MSRA: variants seen among roughly 807,000 people sequenced by gnomAD.
MSRA encodes methionine sulfoxide reductase A.
MSRA carries 54 observed loss-of-function variants against 31.3 expected under a neutral mutation model. The observed-to-expected ratio is 1.73, with a 90% CI of 1.39 to 2.17. The LOEUF is 2.17. Ranked by LOEUF, MSRA falls within the 30% of genes most tolerant of loss-of-function variation. The pLI is 0.00. For missense variants in MSRA, 507 were observed against 300.9 expected (o/e 1.69, Z -5.07); for synonymous variants, 169 against 116.5 (o/e 1.45, Z -2.90).
At chr8:10,198,324 T>G (rs79331791) in intron 1 of MSRA, among the ~76,000 whole-genome samples, 1 of 152,068 alleles carries the variant, frequency 6.6e-6, no homozygotes, top group Non-Finnish European at 1.5e-5. Context: ...ATTTTTTTTT[T>G]TGTTGTTCTT....
At chr8:10,315,859 T>A (rs1370299655) in intron 4 of MSRA, among the ~76,000 whole-genome samples, 1 of 152,226 alleles carries the variant, frequency 6.6e-6, no homozygotes, top group Non-Finnish European at 1.5e-5. Flanking sequence ...GGACGCATAA[T>A]AAGTAAAAAG....
chr8:10,274,137 G>A lies in MSRA; in HGVS notation c.332-27397G>A, dbSNP rs183220175. 1.5e-4 allele frequency among the ~76,000 whole-genome samples: 23 copies of A among 152,322 alleles called. 1 individual carries two copies. The highest frequency in any genetic ancestry group is 7.2e-4 in the Admixed American group (11 of 15,296). ...CAAGGCCCAGTGCTATTATCACAGA[G>A]CAGAGAAAGAAGGGTAGGTTTGGAG... On this transcript the variant is annotated intron_variant, in intron 3 of 5. Coordinates refer to ENST00000317173, the MANE Select transcript of MSRA (RefSeq NM_012331.5).
chr8:10,151,209 C>T (rs1302186045), intron 1 of MSRA, among the ~76,000 whole-genome samples: 2 of 147,906 alleles, frequency 1.4e-5, no homozygotes, highest in East Asian at 3.9e-4. Flanking sequence ...GCGCAGTGAG[C>T]CAAGACTGCA....
chr8:10,387,661 A>G (rs1394058187), intron 5 of MSRA, among the ~76,000 whole-genome samples: 6 of 152,224 alleles, frequency 3.9e-5, no homozygotes, highest in Non-Finnish European at 7.3e-5. Context: ...TCATGCAGAT[A>G]AAGTCTCCCA....
intron 1 of MSRA, among the ~76,000 whole-genome samples, chr8:10,180,524 T>C (rs1806447838): frequency 6.6e-6 from 1 of 152,150 alleles, no homozygotes; most frequent in Non-Finnish European, 1.5e-5. Flanking sequence ...AATGACCTAG[T>C]TGGTTCCTCC....
Position 10,428,268 on chromosome 8 carries a change from CT to C in MSRA, c.666del (p.Gly224AlafsTer25), listed in dbSNP as rs1809320737. 6.2e-7 allele frequency: 1 copy of C among 1,614,042 alleles called. No individual in the cohort carries two copies. The highest frequency in any genetic ancestry group is 1.3e-5 in the African/African-American group (1 of 74,918). ...LSKNPNGYCG[L>X]GGTGVSCPVG... ...CAAGAACCCCAATGGCTACTGCGGC[CT>C]TGGGGGCACCGGCGTGTCCTGCCCA... On this transcript the variant is annotated frameshift_variant, in exon 6 of 6. Transcript: ENST00000317173. LOFTEE classifies it high-confidence loss of function.
At chr8:10,148,816 A>AG (rs908957616) in intron 1 of MSRA, among the ~76,000 whole-genome samples, 1 of 113,360 alleles carries the variant, frequency 8.8e-6, no homozygotes, top group Non-Finnish European at 1.8e-5. Context: ...AAAAAAAAAA[A>AG]GGAAACTCTG....
intron 3 of MSRA, among the ~76,000 whole-genome samples, chr8:10,246,866 C>T (rs530468564): frequency 3.3e-5 from 5 of 152,160 alleles, no homozygotes; most frequent in African/African-American, 1.2e-4. Flanking sequence ...TTATGCATAG[C>T]TATAAATAGA....
intron 1 of MSRA, among the ~76,000 whole-genome samples, chr8:10,152,877 C>G (rs753700976): frequency 2.0e-5 from 3 of 152,160 alleles, no homozygotes; most frequent in Non-Finnish European, 2.9e-5. Context: ...ACCTTGAGGA[C>G]ATGATGCTAT....
chr8:10,370,756 C>T (rs925129675), intron 5 of MSRA, among the ~76,000 whole-genome samples: 10 of 152,230 alleles, frequency 6.6e-5, no homozygotes, highest in Non-Finnish European at 1.5e-4. Context: ...CCTGCTTTGT[C>T]AAAGATGCCC....
chr8:10,165,451 T>C (rs1376767354), intron 1 of MSRA, among the ~76,000 whole-genome samples: 1 of 152,142 alleles, frequency 6.6e-6, no homozygotes, highest in Non-Finnish European at 1.5e-5. Context: ...AACAAAATTT[T>C]AGATAATTGT....
intron 1 of MSRA, among the ~76,000 whole-genome samples, chr8:10,175,901 C>G (rs1482231678): frequency 2.0e-5 from 3 of 152,156 alleles, no homozygotes; most frequent in African/African-American, 4.8e-5. Flanking sequence ...TTATTCATTC[C>G]TTACAATAGA....
chr8:10,159,687 G>A lies in MSRA; in HGVS notation c.143-48146G>A, dbSNP rs143872365. 4.4e-3 allele frequency among the ~76,000 whole-genome samples: 665 copies of A among 152,284 alleles called. 10 individuals carry two copies. The highest frequency in any genetic ancestry group is 0.015 in the African/African-American group (643 of 41,558). ...TGCAGTGGGGAGAGGGGAGGGGGTTGCCTCTTGTAAGGCAGAATTTGATTG... is the reference window on the plus strand; with the variant it reads ...TGCAGTGGGGAGAGGGGAGGGGGTTACCTCTTGTAAGGCAGAATTTGATTG... On this transcript the variant is annotated intron_variant, in intron 1 of 5. Transcript: ENST00000317173.
chr8:10,415,550 T>TC (rs1808408706), intron 5 of MSRA, among the ~76,000 whole-genome samples: 1 of 152,064 alleles, frequency 6.6e-6, no homozygotes, highest in Non-Finnish European at 1.5e-5. Flanking sequence ...TACGCAGAAA[T>TC]AGGCCACAGC....
intron 3 of MSRA, among the ~76,000 whole-genome samples, chr8:10,246,133 C>T (rs1038706456): frequency 6.6e-6 from 1 of 152,208 alleles, no homozygotes; most frequent in Non-Finnish European, 1.5e-5. Context: ...CACAGCTATT[C>T]TCATTGTTAT....
chr8:10,178,501 T>C (rs1047420402), intron 1 of MSRA, among the ~76,000 whole-genome samples: 2 of 152,178 alleles, frequency 1.3e-5, no homozygotes, highest in African/African-American at 4.8e-5. Flanking sequence ...AAAACTGCTA[T>C]CATCCATATT....
intron 4 of MSRA, among the ~76,000 whole-genome samples, chr8:10,317,041 G>A (rs1360397613): frequency 6.6e-6 from 1 of 152,174 alleles, no homozygotes; most frequent in Non-Finnish European, 1.5e-5. Context: ...TCTCTTAGCA[G>A]CAGTCTATAG....
At position 10,245,355 on chromosome 8, in the gene MSRA, A is replaced by T. The variant is rs540753924; in HGVS notation, c.331+132A>T. The T allele has an allele frequency of 2.4e-4, 190 of 794,822 alleles. 1 individual carries two copies. In the African/African-American group the frequency reaches 2.8e-3, roughly 12 times the overall value. 49.2% of individuals were successfully genotyped at this position (794,822 alleles called of 1,614,324 possible). ...TTTCTTCAATCTTTATTATTTGTATATATATACTTGTGAGCTTCTCACTTT... is the reference window on the plus strand; with the variant it reads ...TTTCTTCAATCTTTATTATTTGTATTTATATACTTGTGAGCTTCTCACTTT... On this transcript the variant is annotated intron_variant, in intron 3 of 5. Coordinates refer to ENST00000317173, the MANE Select transcript of MSRA (RefSeq NM_012331.5).
chr8:10,272,376 C>G (rs756922527), intron 3 of MSRA, among the ~76,000 whole-genome samples: 15 of 152,120 alleles, frequency 9.9e-5, no homozygotes, highest in Non-Finnish European at 1.9e-4. Context: ...GCCTTTAGAT[C>G]CAGGAAGAGC....
Sources: allele counts gnomAD v4.1 joint callset (sites outside exome capture counted in the v4.1 genomes callset), GRCh38; gene constraint gnomAD v4.1.1; transcripts MANE v1.5; gene names NCBI Gene and HGNC (gene_info 2026-07-23, HGNC 2026-07-21).